The following ARHGEF38 variants were observed in gnomAD, a reference collection of about 807,000 sequenced individuals.
ARHGEF38 encodes the protein Rho guanine nucleotide exchange factor 38, also known as Rho guanine nucleotide exchange factor (GEF) 38.
Under a neutral mutation model 79.9 loss-of-function variants are expected in ARHGEF38, and 79 were observed. The ratio of observed to expected loss-of-function variants is 0.99; its 90% CI spans 0.82 to 1.19. ARHGEF38 has a LOEUF of 1.19. Ranked by LOEUF, ARHGEF38 falls within the 50% of genes most tolerant of loss-of-function variation. The pLI is 0.00. For missense variants in ARHGEF38, 962 were observed against 907.2 expected (o/e 1.06, Z -0.78); for synonymous variants, 366 against 328.3 (o/e 1.11, Z -1.24).
chr4:105,589,103 T>C, intron 1 of ARHGEF38, 145 bp from the exon 2 acceptor site: 2 of 595,846 alleles, frequency 3.4e-6, no homozygotes, highest in Admixed American at 6.5e-5. Flanking sequence ...TAGGGGAATG[T>C]CCATATATCA....
At position 105,645,268 on chromosome 4, in the gene ARHGEF38, G is replaced by A; in HGVS notation, c.755G>A (p.Cys252Tyr). The part of the protein sequence containing the change: ...QRVMKYPLLL[C>Y]ELRNSTPPSH... ...GTGATGAAATACCCCCTATTACTGT[G>A]CGAACTTCGGAATTCCACCCCTCCC... The change falls in exon 6 of 14, where the codon TGC (cysteine) becomes TAC (tyrosine). Residue 252 changes from cysteine (C) to tyrosine (Y), a missense_variant. Physicochemically the swap from Cys to Tyr is radical, Grantham distance 194. Coordinates refer to ENST00000420470, the MANE Select transcript of ARHGEF38 (RefSeq NM_001242729.2). The A allele has an allele frequency of 6.5e-7, 1 of 1,536,592 alleles. No homozygotes were observed.
At chr4:105,641,405 T>C (rs139400763) in intron 5 of ARHGEF38, among the ~76,000 whole-genome samples, 94 of 152,266 alleles carry the variant, frequency 6.2e-4, no homozygotes, top group African/African-American at 2.2e-3. Flanking sequence ...ATCTCCCTTA[T>C]GTATTCTAAT....
intron 4 of ARHGEF38, chr4:105,632,951 A>T (rs1729254922): frequency 6.6e-6 from 1 of 152,662 alleles, no homozygotes; most frequent in African/African-American, 2.4e-5. Context: ...GCCCAGTATC[A>T]TATCCCCACA....
At chr4:105,626,888 C>T (rs1258288377) in intron 3 of ARHGEF38, among the ~76,000 whole-genome samples, 1 of 151,480 alleles carries the variant, frequency 6.6e-6, no homozygotes, top group Non-Finnish European at 1.5e-5. Flanking sequence ...CATCCAGCCA[C>T]ACTAGATCAT....
At chr4:105,670,096 A>G (rs773064965) in intron 13 of ARHGEF38, among the ~76,000 whole-genome samples, 3 of 152,200 alleles carry the variant, frequency 2.0e-5, no homozygotes, top group Non-Finnish European at 4.4e-5. Context: ...TGCTATGAAT[A>G]TTCGTGTGCA....
intron 4 of ARHGEF38, among the ~76,000 whole-genome samples, chr4:105,633,364 C>A (rs903725862): frequency 3.9e-5 from 6 of 152,126 alleles, no homozygotes; most frequent in Non-Finnish European, 1.5e-5. Context: ...TCGAGCTAAC[C>A]TTTAAATTCT....
intron 8 of ARHGEF38, among the ~76,000 whole-genome samples, chr4:105,654,710 T>C (rs1343800509): frequency 6.6e-6 from 1 of 152,148 alleles, no homozygotes; most frequent in East Asian, 1.9e-4. Flanking sequence ...TTCAACCAAC[T>C]AATTGGAGTA....
intron 4 of ARHGEF38, chr4:105,631,413 T>C (rs979735598): frequency 7.5e-5 from 74 of 990,454 alleles, no homozygotes; most frequent in Non-Finnish European, 7.9e-5. Context: ...CTGGAGCACA[T>C]GGGTTAATGG....
At position 105,659,043 on chromosome 4, in the gene ARHGEF38, T is replaced by A; in HGVS notation, c.1234-11T>A. On this transcript the variant is annotated splice_polypyrimidine_tract_variant and intron_variant, in intron 9 of 13. Transcript: ENST00000420470. ...CTCTCTCTGAAATGGGCTCATTTTT[T>A]CTTTTGGCAGGCATCTCACTTACAG... 6.6e-7 allele frequency: 1 copy of A among 1,524,192 alleles called. No individual in the cohort carries two copies. Among genetic ancestry groups the A allele is most frequent in the Non-Finnish European group, 8.8e-7 (1 of 1,140,536 alleles). The allele number at this position is 1,524,192 out of a possible 1,614,324, so 94.4% of individuals were successfully genotyped here. A position where few individuals can be genotyped will look rare whatever the true frequency, so the allele number is the denominator to read the frequency against.
intron 13 of ARHGEF38, among the ~76,000 whole-genome samples, chr4:105,675,959 T>G (rs947783467): frequency 6.6e-6 from 1 of 152,228 alleles, no homozygotes; most frequent in African/African-American, 2.4e-5. Flanking sequence ...ACACATAAAC[T>G]TTGAGGGGAA....
At chr4:105,674,678 T>G (rs1731060261) in intron 13 of ARHGEF38, among the ~76,000 whole-genome samples, 1 of 152,060 alleles carries the variant, frequency 6.6e-6, no homozygotes, top group Admixed American at 6.6e-5. Context: ...TAAAAAGTGC[T>G]CATCCTAAAC....
chr4:105,609,131 A>G (rs1728179967), intron 2 of ARHGEF38, among the ~76,000 whole-genome samples: 1 of 152,080 alleles, frequency 6.6e-6, no homozygotes, highest in Admixed American at 6.6e-5. Context: ...TGGTAACTTT[A>G]CAATTTCAGG....
At chr4:105,627,460 A>T (rs1273060884) in intron 3 of ARHGEF38, among the ~76,000 whole-genome samples, 1 of 152,208 alleles carries the variant, frequency 6.6e-6, no homozygotes. Context: ...GAAACATAGG[A>T]GTCATGGTAT....
intron 3 of ARHGEF38, among the ~76,000 whole-genome samples, chr4:105,621,283 A>G (rs531845067): frequency 1.9e-4 from 29 of 152,352 alleles, no homozygotes; most frequent in African/African-American, 5.5e-4. Flanking sequence ...ATGGTTTGTT[A>G]CATAGCAATA....
Position 105,666,321 on chromosome 4 carries a change from G to C in ARHGEF38, c.1689+1G>C. On this transcript the variant is annotated splice_donor_variant, in intron 11 of 13. Coordinates refer to ENST00000420470, the MANE Select transcript of ARHGEF38 (RefSeq NM_001242729.2). LOFTEE classifies it high-confidence loss of function. ...AAAGAAGAAACCTGTGCAGATTCTG[G>C]TGAGTTTGGCAGCATTCATGACAAT... 1 of 1,522,446 alleles carries C rather than the reference G, an allele frequency of 6.6e-7. No homozygotes were observed. 94.3% of individuals were successfully genotyped at this position (1,522,446 alleles called of 1,614,324 possible). A position where few individuals can be genotyped will look rare whatever the true frequency, so the allele number is the denominator to read the frequency against.
intron 5 of ARHGEF38, among the ~76,000 whole-genome samples, chr4:105,638,077 A>G (rs2110528419): frequency 6.6e-6 from 1 of 152,298 alleles, no homozygotes; most frequent in South Asian, 2.1e-4. Context: ...GGCAATGTCA[A>G]GTGCTGTGTA....
At chr4:105,676,979 T>C (rs549638484) in intron 13 of ARHGEF38, among the ~76,000 whole-genome samples, 2 of 152,008 alleles carry the variant, frequency 1.3e-5, no homozygotes, top group South Asian at 2.1e-4. Context: ...CTTTTTTTTT[T>C]TGGAGACAGA....
intron 1 of ARHGEF38, among the ~76,000 whole-genome samples, chr4:105,586,011 A>T (rs1020074071): frequency 1.3e-5 from 2 of 152,062 alleles, no homozygotes; most frequent in African/African-American, 4.8e-5. Context: ...GATTACAGGC[A>T]TGAGCCACTG....
chr4:105,643,420 A>T (rs1729703507), intron 5 of ARHGEF38, among the ~76,000 whole-genome samples: 1 of 152,036 alleles, frequency 6.6e-6, no homozygotes, highest in Non-Finnish European at 1.5e-5. Context: ...TTTAATACTT[A>T]TTCTGGTTTT....
Sources: allele counts gnomAD v4.1 joint callset (sites outside exome capture counted in the v4.1 genomes callset), GRCh38; gene constraint gnomAD v4.1.1; transcripts MANE v1.5; gene names NCBI Gene and HGNC (gene_info 2026-07-23, HGNC 2026-07-21).